The following CDCA7L variants were observed in gnomAD, a reference collection of about 807,000 sequenced individuals.
CDCA7L encodes the protein cell division cycle-associated 7-like protein.
A neutral mutation model predicts 57.4 loss-of-function variants in CDCA7L; 44 were observed. That is an observed-to-expected ratio of 0.77 (90% CI 0.60 to 0.98). The LOEUF (loss-of-function observed/expected upper bound fraction) is 0.98. CDCA7L is among the 50% of genes least tolerant of loss of function. The pLI, the probability that CDCA7L is intolerant of heterozygous loss-of-function variation, is 0.00. For missense variants in CDCA7L, 644 were observed against 580.6 expected (o/e 1.11, Z -1.12); for synonymous variants, 236 against 202.8 (o/e 1.16, Z -1.39).
chr7:21,921,129 C>T lies in CDCA7L; in HGVS notation c.25-4235G>A, dbSNP rs903826440. Among the ~76,000 whole-genome samples, 4 of 152,252 alleles carry T rather than the reference C, an allele frequency of 2.6e-5. 1 individual carries two copies. Among genetic ancestry groups the T allele is most frequent in the African/African-American group, 7.2e-5 (3 of 41,548 alleles). ...ATTGTGTTCAGCCCCACCACTGCTGCGAGCCTGTGTCTGACTAGCTAATTC... is the reference window on the plus strand; with the variant it reads ...ATTGTGTTCAGCCCCACCACTGCTGTGAGCCTGTGTCTGACTAGCTAATTC... On this transcript the variant is annotated intron_variant, in intron 1 of 9. Coordinates refer to ENST00000406877, the MANE Select transcript of CDCA7L (RefSeq NM_018719.5).
chr7:21,933,275 A>T (rs1177463063), intron 1 of CDCA7L, among the ~76,000 whole-genome samples: 1 of 152,206 alleles, frequency 6.6e-6, no homozygotes, highest in Non-Finnish European at 1.5e-5. Context: ...CAGAAATACC[A>T]TTTGACCCAG....
intron 1 of CDCA7L, among the ~76,000 whole-genome samples, chr7:21,936,078 T>C (rs1786153946): frequency 6.6e-6 from 1 of 152,060 alleles, no homozygotes; most frequent in South Asian, 2.1e-4. Context: ...ACAAATTGGA[T>C]TATCTAGATA....
Position 21,906,328 on chromosome 7 carries a change from C to A in CDCA7L, c.882G>T (p.Ala294=), listed in dbSNP as rs201108706. ...ENFTVSAAKF[A]EEFYSFRRRK... ...TTCTTCGGAAGCTGTAAAACTCTTC[C>A]GCAAATTTAGCGGCTGAGACAGTGA... The change falls in exon 6 of 10, where the codon GCG becomes GCT. Residue 294 remains alanine (A), a synonymous_variant. Transcript: ENST00000406877. 8.1e-6 allele frequency: 13 copies of A among 1,608,640 alleles called. No homozygotes were observed. The highest frequency in any genetic ancestry group is 1.7e-4 in the Middle Eastern group (1 of 6,046).
rs549336581 is a variant in CDCA7L, at chr7:21,919,290, C to T, written c.25-2396G>A. ...ATTATTAAATGTGTTATAATCCATA[C>T]TCTCATAATGCTGACTGTCCCAAAT... On this transcript the variant is annotated intron_variant, in intron 1 of 9. Coordinates refer to ENST00000406877, the MANE Select transcript of CDCA7L (RefSeq NM_018719.5). Among the ~76,000 whole-genome samples the T allele has an allele frequency of 2.0e-5, 3 of 152,276 alleles. No homozygotes were observed. In the South Asian group the frequency reaches 6.2e-4, roughly 32 times the overall value.
Position 21,930,318 on chromosome 7 carries a change from G to T in CDCA7L, c.25-13424C>A, listed in dbSNP as rs186047065. Among the ~76,000 whole-genome samples, 39 of 152,330 alleles carry T rather than the reference G, an allele frequency of 2.6e-4. No homozygotes were observed. The East Asian group carries it at 7.1e-3, about 28-fold the overall frequency. ...ATCTCTGGGACACAGCTAAAGCAGTGTTGAGAGGGAAATTTATAGCACTAA... is the reference window on the plus strand; with the variant it reads ...ATCTCTGGGACACAGCTAAAGCAGTTTTGAGAGGGAAATTTATAGCACTAA... On this transcript the variant is annotated intron_variant, in intron 1 of 9. Coordinates refer to ENST00000406877, the MANE Select transcript of CDCA7L (RefSeq NM_018719.5).
intron 9 of CDCA7L, 178 bp from the exon 10 acceptor site, chr7:21,902,530 A>AGCATGACTTGCCTCAC (rs1784951469): frequency 1.6e-6 from 1 of 624,870 alleles, no homozygotes; most frequent in Admixed American, 2.8e-5. Flanking sequence ...GTACGCCCCA[A>AGCATGACTTGCCTCAC]GCATGACTTG....
intron 1 of CDCA7L, among the ~76,000 whole-genome samples, chr7:21,919,989 T>C (rs931551327): frequency 2.6e-5 from 4 of 152,212 alleles, no homozygotes; most frequent in African/African-American, 9.7e-5. Flanking sequence ...CCTTAACAGT[T>C]GAGACTTAAT....
At chr7:21,903,546 T>A (rs1785017545) in intron 8 of CDCA7L, among the ~76,000 whole-genome samples, 1 of 152,240 alleles carries the variant, frequency 6.6e-6, no homozygotes, top group Admixed American at 6.5e-5. Flanking sequence ...ACCATATATT[T>A]ACCCCATGAC....
chr7:21,932,157 C>T (rs1402124380), intron 1 of CDCA7L, among the ~76,000 whole-genome samples: 2 of 152,066 alleles, frequency 1.3e-5, no homozygotes, highest in African/African-American at 2.4e-5. Flanking sequence ...AGAGAGGAAA[C>T]AAACAAATGG....
rs1161289474 is a variant in CDCA7L, at chr7:21,902,105, C to T, written c.*217G>A. On this transcript the variant is annotated 3_prime_UTR_variant, in exon 10 of 10. Coordinates refer to ENST00000406877, the MANE Select transcript of CDCA7L (RefSeq NM_018719.5). Reference sequence around the variant, plus strand: ...TTTTTAACAAAGTTCAGCATACAGACAGGTCTGTGCATACATCTATATAGA... The same window carrying T: ...TTTTTAACAAAGTTCAGCATACAGATAGGTCTGTGCATACATCTATATAGA... 1 of 559,076 alleles carries T rather than the reference C, an allele frequency of 1.8e-6. No homozygotes were observed. The highest frequency in any genetic ancestry group is 2.8e-5 in the East Asian group (1 of 35,108). 34.6% of individuals were successfully genotyped at this position (559,076 alleles called of 1,614,324 possible).
chr7:21,902,787 A>G, intron 9 of CDCA7L, 191 bp downstream of exon 9: 1 of 572,554 alleles, frequency 1.7e-6, no homozygotes, highest in East Asian at 3.0e-5. Flanking sequence ...CTAGCAAAGG[A>G]GAAGATTCCC....
At chr7:21,910,653 CCGAA>C (rs1785288555) in intron 3 of CDCA7L, among the ~76,000 whole-genome samples, 1 of 152,218 alleles carries the variant, frequency 6.6e-6, no homozygotes, top group Non-Finnish European at 1.5e-5. Context: ...GCACTTAAAT[CCGAA>C]GGCTGTGCCT....
At chr7:21,904,017 TCCCTAGTTC>T (rs1321473162) in intron 8 of CDCA7L, 84 bp downstream of exon 8, 5 of 1,199,304 alleles carry the variant, frequency 4.2e-6, no homozygotes, top group Non-Finnish European at 5.5e-6. Context: ...GTTCTGGAGC[TCCCTAGTTC>T]CCAGTGAGAA....
intron 3 of CDCA7L, among the ~76,000 whole-genome samples, chr7:21,909,610 A>G (rs895026015): frequency 2.0e-5 from 3 of 152,208 alleles, no homozygotes; most frequent in Admixed American, 6.5e-5. Context: ...TGATTTATCT[A>G]TTTTTTAATA....
At chr7:21,906,059 C>T (rs970943755) in intron 6 of CDCA7L, among the ~76,000 whole-genome samples, 6 of 152,172 alleles carry the variant, frequency 3.9e-5, no homozygotes, top group Non-Finnish European at 5.9e-5. Context: ...CTTCTCAGCT[C>T]GGCTTGGATA....
At chr7:21,920,209 T>A (rs1785608527) in intron 1 of CDCA7L, among the ~76,000 whole-genome samples, 1 of 152,204 alleles carries the variant, frequency 6.6e-6, no homozygotes, top group Admixed American at 6.5e-5. Context: ...TTAGTATTAT[T>A]ATGACATTAC....
chr7:21,924,841 G>C (rs1041237064), intron 1 of CDCA7L, among the ~76,000 whole-genome samples: 6 of 152,186 alleles, frequency 3.9e-5, no homozygotes, highest in Non-Finnish European at 8.8e-5. Flanking sequence ...TGCAAATGCT[G>C]TCTCTGATTT....
intron 9 of CDCA7L, 135 bp from the exon 10 acceptor site, chr7:21,902,487 T>C: frequency 2.4e-6 from 2 of 843,116 alleles, no homozygotes; most frequent in Non-Finnish European, 4.0e-6. Flanking sequence ...TCCTGACAAT[T>C]TATGCATCAA....
At chr7:21,916,732 G>T (rs373152994) in intron 2 of CDCA7L, 22 bp downstream of exon 2, 2 of 1,611,652 alleles carry the variant, frequency 1.2e-6, no homozygotes, top group Admixed American at 1.7e-5. Context: ...GAACACATCT[G>T]CTTGGAAGGA....
Sources: gnomAD v4.1 joint callset for allele counts (sites outside exome capture counted in the v4.1 genomes callset) on GRCh38, gnomAD v4.1.1 for gene constraint, MANE v1.5 for transcripts, NCBI Gene and HGNC (gene_info 2026-07-23, HGNC 2026-07-21) for gene names.